Variants in RIMS1 observed in about 807,000 individuals in gnomAD.
RIMS1 encodes the protein regulating synaptic membrane exocytosis protein 1.
RIMS1 carries 83 observed loss-of-function variants against 214.1 expected under a neutral mutation model. That is an observed-to-expected ratio of 0.39 (90% confidence interval 0.32 to 0.47). The LOEUF (loss-of-function observed/expected upper bound fraction) is 0.47. Ranked by LOEUF, RIMS1 falls within the 20% of genes least tolerant of loss-of-function variation. The pLI, the probability that RIMS1 is intolerant of heterozygous loss-of-function variation, is 0.99. For synonymous variants in RIMS1, 793 were observed against 786.8 expected (o/e 1.01, Z -0.13); for missense variants, 2,050 against 2,161.8 (o/e 0.95, Z 1.03).
At chr6:71,897,583 G>T (rs1772206444) in intron 1 of RIMS1, among the ~76,000 whole-genome samples, 1 of 152,124 alleles carries the variant, frequency 6.6e-6, no homozygotes, top group South Asian at 2.1e-4. Context: ...TTTTGAATTA[G>T]CTCAAGTGAC....
intron 6 of RIMS1, among the ~76,000 whole-genome samples, chr6:72,224,066 C>T (rs115400883): frequency 0.019 from 2,957 of 151,924 alleles, 125 homozygotes; most frequent in African/African-American, 0.068. Flanking sequence ...GGAGCAGAAG[C>T]AGCATGATCC....
chr6:72,279,116 A>C (rs1053268237), intron 23 of RIMS1, among the ~76,000 whole-genome samples: 4 of 151,994 alleles, frequency 2.6e-5, no homozygotes, highest in South Asian at 2.1e-4. Flanking sequence ...TCCTTTAATA[A>C]AATTTTAATG....
chr6:71,890,116 C>T (rs903088968), intron 1 of RIMS1, among the ~76,000 whole-genome samples: 2 of 151,932 alleles, frequency 1.3e-5, no homozygotes, highest in Non-Finnish European at 2.9e-5. Flanking sequence ...GTTTCATCGG[C>T]CTTGATTGTA....
chr6:72,188,621 A>G (rs556424302), intron 6 of RIMS1, among the ~76,000 whole-genome samples: 4 of 147,704 alleles, frequency 2.7e-5, no homozygotes, highest in Admixed American at 6.7e-5. Flanking sequence ...ACTACCTTCT[A>G]CTACCCATTC....
At chr6:72,359,604 T>C (rs1319822723) in intron 29 of RIMS1, among the ~76,000 whole-genome samples, 1 of 152,174 alleles carries the variant, frequency 6.6e-6, no homozygotes, top group East Asian at 1.9e-4. Flanking sequence ...GCTCATTAAA[T>C]TAACATATAG....
chr6:72,355,733 G>A (rs2097605733), intron 29 of RIMS1, among the ~76,000 whole-genome samples: 1 of 152,032 alleles, frequency 6.6e-6, no homozygotes, highest in Non-Finnish European at 1.5e-5. Flanking sequence ...GTGGTTTATT[G>A]CTTGGTTAAA....
At chr6:72,304,253 T>C (rs2094927477) in intron 26 of RIMS1, among the ~76,000 whole-genome samples, 1 of 151,708 alleles carries the variant, frequency 6.6e-6, no homozygotes, top group African/African-American at 2.4e-5. Flanking sequence ...TGTGGGGTAA[T>C]TGGAAAATAC....
At chr6:72,022,121 T>C (rs114285749) in intron 2 of RIMS1, among the ~76,000 whole-genome samples, 2 of 152,178 alleles carry the variant, frequency 1.3e-5, no homozygotes, top group Non-Finnish European at 2.9e-5. Flanking sequence ...AAAAGAACTA[T>C]GAAGTGTTAA....
At chr6:72,187,510 G>T (rs536731252) in intron 6 of RIMS1, among the ~76,000 whole-genome samples, 17 of 120,262 alleles carry the variant, frequency 1.4e-4, no homozygotes, top group African/African-American at 5.8e-4. Flanking sequence ...ACAGAGTCTC[G>T]GTCTGTCACC....
At chr6:72,082,772 C>T (rs1360057052) in intron 2 of RIMS1, among the ~76,000 whole-genome samples, 1 of 152,100 alleles carries the variant, frequency 6.6e-6, no homozygotes, top group Middle Eastern at 3.2e-3. Context: ...CAAGTGGCCA[C>T]ATAGAGACCC....
intron 1 of RIMS1, among the ~76,000 whole-genome samples, chr6:71,887,729 T>C (rs756176349): frequency 6.6e-6 from 1 of 152,160 alleles, no homozygotes; most frequent in Admixed American, 6.5e-5. Context: ...CAGATCAAGG[T>C]TGGGTCTTTT....
At chr6:72,366,918 T>C in intron 29 of RIMS1, 1 of 878,602 alleles carries the variant, frequency 1.1e-6, no homozygotes, top group South Asian at 5.1e-5. Flanking sequence ...GGAGTTTGTT[T>C]ATTTATAACT....
intron 2 of RIMS1, among the ~76,000 whole-genome samples, chr6:72,005,452 T>A (rs951977162): frequency 1.1e-4 from 17 of 152,194 alleles, no homozygotes; most frequent in African/African-American, 4.1e-4. Flanking sequence ...TCTTTACCCC[T>A]TAGGAACTAA....
At chr6:72,260,307 C>T (rs1407038545) in intron 18 of RIMS1, among the ~76,000 whole-genome samples, 5 of 151,908 alleles carry the variant, frequency 3.3e-5, no homozygotes, top group Non-Finnish European at 7.4e-5. Flanking sequence ...AACTATCACG[C>T]TTTAATTTGT....
At chr6:72,152,690 T>C (rs767478919) in intron 4 of RIMS1, among the ~76,000 whole-genome samples, 37 of 144,580 alleles carry the variant, frequency 2.6e-4, no homozygotes, top group Non-Finnish European at 4.6e-4. Context: ...TCCATAGAGA[T>C]ACATTTGGAA....
At chr6:72,047,345 TCC>T (rs1306734638) in intron 2 of RIMS1, among the ~76,000 whole-genome samples, 1 of 152,200 alleles carries the variant, frequency 6.6e-6, no homozygotes, top group African/African-American at 2.4e-5. Context: ...TTTCAGCTTC[TCC>T]ATTTCTTTGA....
At position 72,283,966 on chromosome 6, in the gene RIMS1, A is replaced by T. The variant is rs777342730; in HGVS notation, c.3483-81A>T. 2.6e-6 allele frequency: 3 copies of T among 1,133,088 alleles called. No homozygotes were observed. In the Admixed American group the frequency reaches 5.3e-5, roughly 20 times the overall value. The allele number at this position is 1,133,088 out of a possible 1,614,324, so 70.2% of individuals were successfully genotyped here. A position where few individuals can be genotyped will look rare whatever the true frequency, so the allele number is the denominator to read the frequency against. ...TTAGGTAATATAGTTGCCATTTTTC[A>T]TGTCTATTGTGTTTATCATTGTATG... On this transcript the variant is annotated intron_variant, in intron 23 of 33. Transcript: ENST00000521978.
intron 2 of RIMS1, among the ~76,000 whole-genome samples, chr6:71,983,725 T>A (rs1799105990): frequency 1.3e-5 from 2 of 152,202 alleles, no homozygotes; most frequent in South Asian, 4.1e-4. Flanking sequence ...ATGTTTTTTC[T>A]GCACAGATTT....
rs2073177189 is a variant in RIMS1 at position 72,251,264 on chromosome 6, A to G, written c.2594A>G (p.Tyr865Cys). 1.9e-6 allele frequency: 3 copies of G among 1,598,736 alleles called. No homozygotes were observed. Among genetic ancestry groups the G allele is most frequent in the Non-Finnish European group, 2.6e-6 (3 of 1,171,812 alleles). Residue 865 changes from tyrosine to cysteine, a missense_variant, in exon 15 of 34, where the codon TAT (tyrosine) becomes TGT (cysteine). Physicochemically the swap from Tyr to Cys is radical, Grantham distance 194. Around this residue, in one of 6 missense-constraint regions of RIMS1, gnomAD observed 889 missense variants for 885.5 expected, o/e 1.00. Transcript: ENST00000521978. ...CTTTTAGATGATGAACCGCATTGGT[A>G]TAAACTTCAGACACATGATGAGTCT... ...TALLDDEPHW[Y>C]KLQTHDESSL...
Sources: gnomAD v4.1 joint callset for allele counts (sites outside exome capture counted in the v4.1 genomes callset) on GRCh38, gnomAD v4.1.1 for gene constraint, gnomAD v4.1.1 regional missense constraint, MANE v1.5 for transcripts, NCBI Gene and HGNC (gene_info 2026-07-23, HGNC 2026-07-21) for gene names.